The following TIMMDC1 variants were observed in gnomAD, a reference collection of about 807,000 sequenced individuals.
TIMMDC1 encodes complex I assembly factor TIMMDC1, mitochondrial.
TIMMDC1 carries 25 observed loss-of-function variants against 32.6 expected under a neutral mutation model. That is an observed-to-expected ratio of 0.77 (90% CI 0.56 to 1.07). TIMMDC1 has a LOEUF of 1.07. TIMMDC1 is among the 50% of genes least tolerant of loss of function. TIMMDC1 has a pLI of 0.00. For missense variants in TIMMDC1, 329 were observed against 349.2 expected, an observed-to-expected ratio of 0.94 and a Z score of 0.46; for synonymous variants, 130 against 127.6, an observed-to-expected ratio of 1.02 and a Z score of -0.13.
intron 4 of TIMMDC1, among the ~76,000 whole-genome samples, chr3:119,506,856 C>T (rs2081921848): frequency 6.6e-6 from 1 of 152,204 alleles, no homozygotes; most frequent in Non-Finnish European, 1.5e-5. Context: ...CATGTTCTTT[C>T]CTTTTGTGAA....
intron 2 of TIMMDC1, among the ~76,000 whole-genome samples, chr3:119,501,507 A>G (rs1212228593): frequency 1.3e-5 from 2 of 152,178 alleles, no homozygotes. Context: ...TCAGTGTGTT[A>G]TTTCCTAAAA....
Position 119,524,603 on chromosome 3 carries a change from C to T in TIMMDC1, c.*847C>T, listed in dbSNP as rs1428103554. On this transcript the variant is annotated 3_prime_UTR_variant, in exon 7 of 7. Transcript: ENST00000494664. Reference sequence around the variant, plus strand: ...AAGGCTTTAAATCCCAGCCATGTGGCTTAGCTGCCATGAGATGTGCATTTG... The same window carrying T: ...AAGGCTTTAAATCCCAGCCATGTGGTTTAGCTGCCATGAGATGTGCATTTG... 1 of 152,204 alleles carries T rather than the reference C, an allele frequency of 6.6e-6. No homozygotes were observed. Among genetic ancestry groups the T allele is most frequent in the Non-Finnish European group, 1.5e-5 (1 of 68,036 alleles). The allele number at this position is 152,204 out of a possible 1,614,324, so 9.4% of individuals were successfully genotyped here. A position where few individuals can be genotyped will look rare whatever the true frequency, so the allele number is the denominator to read the frequency against.
At chr3:119,503,041 G>GT (rs1448086946) in intron 2 of TIMMDC1, among the ~76,000 whole-genome samples, 1 of 152,032 alleles carries the variant, frequency 6.6e-6, no homozygotes, top group Non-Finnish European at 1.5e-5. Flanking sequence ...ATTTCTATCA[G>GT]TAGGGACTCA....
intron 1 of TIMMDC1, 54 bp from the exon 2 acceptor site, chr3:119,500,641 G>T: frequency 9.9e-6 from 15 of 1,522,742 alleles, no homozygotes; most frequent in Non-Finnish European, 1.1e-5. Context: ...GAGTCTCTTG[G>T]AGAGCAATGT....
At chr3:119,502,006 A>T (rs2081879396) in intron 2 of TIMMDC1, among the ~76,000 whole-genome samples, 1 of 152,208 alleles carries the variant, frequency 6.6e-6, no homozygotes, top group South Asian at 2.1e-4. Context: ...GACTTGCTTA[A>T]GATGGCCTCT....
chr3:119,507,425 C>T (rs1002188322), intron 4 of TIMMDC1, among the ~76,000 whole-genome samples: 2 of 152,120 alleles, frequency 1.3e-5, no homozygotes, highest in African/African-American at 4.8e-5. Context: ...TCAGCTGTGT[C>T]CAGTCTACTA....
intron 4 of TIMMDC1, among the ~76,000 whole-genome samples, chr3:119,512,829 C>T (rs897533489): frequency 2.0e-5 from 3 of 152,164 alleles, no homozygotes; most frequent in Admixed American, 6.5e-5. Context: ...CAGCCTCCGC[C>T]TCTGGGGTTC....
At chr3:119,508,108 A>C (rs1240643442) in intron 4 of TIMMDC1, among the ~76,000 whole-genome samples, 1 of 152,188 alleles carries the variant, frequency 6.6e-6, no homozygotes, top group Non-Finnish European at 1.5e-5. Context: ...GGCATATTTC[A>C]AAATGGTTAC....
intron 4 of TIMMDC1, among the ~76,000 whole-genome samples, chr3:119,511,883 GA>G (rs2081955390): frequency 6.6e-6 from 1 of 152,046 alleles, no homozygotes; most frequent in Non-Finnish European, 1.5e-5. Flanking sequence ...TATCAAATTG[GA>G]AAAAATAAAC....
At position 119,500,698 on chromosome 3, in the gene TIMMDC1, A is replaced by G. The variant is rs748968116; in HGVS notation, c.198A>G (p.Glu66=). The G allele has an allele frequency of 6.2e-7, 1 of 1,612,734 alleles. No individual in the cohort carries two copies. The highest frequency in any genetic ancestry group is 8.5e-7 in the Non-Finnish European group (1 of 1,179,420). ...DRLRELFGKD[E]QQRISKDLAN... ...CATTGTCTTTTTGATGTTGTAGTGA[A>G]CAGCAGAGAATTTCAAAGGACCTTG... The change falls in exon 2 of 7, where the codon GAA becomes GAG. Residue 66 remains glutamate (E), a synonymous_variant. Coordinates refer to ENST00000494664, the MANE Select transcript of TIMMDC1 (RefSeq NM_016589.4).
Position 119,500,748 on chromosome 3 carries a change from C to G in TIMMDC1, c.248C>G (p.Thr83Arg). Residue 83 changes from threonine to arginine, a missense_variant, in exon 2 of 7, where the codon ACA (threonine) becomes AGA (arginine). By Grantham distance (71) the Thr-to-Arg change is moderately conservative. Coordinates refer to ENST00000494664, the MANE Select transcript of TIMMDC1 (RefSeq NM_016589.4). ...DLANICKTAA[T>R]AGIIGWVYGG... is the part of the protein sequence containing the mutation. ...GCTAATATCTGTAAGACGGCAGCTA[C>G]AGCAGGCATCATTGGCTGGGTGTAT... The G allele has an allele frequency of 6.2e-7, 1 of 1,614,134 alleles. No homozygotes were observed. Among genetic ancestry groups the G allele is most frequent in the Non-Finnish European group, 8.5e-7 (1 of 1,179,990 alleles).
intron 1 of TIMMDC1, among the ~76,000 whole-genome samples, chr3:119,499,714 A>C (rs1157285240): frequency 1.3e-5 from 2 of 152,144 alleles, no homozygotes; most frequent in East Asian, 3.9e-4. Flanking sequence ...CCGCGGCTGG[A>C]CTGCGCCCGG....
intron 6 of TIMMDC1, 24 bp downstream of exon 6, chr3:119,517,339 G>A (rs2081992156): frequency 1.3e-6 from 2 of 1,504,620 alleles, no homozygotes; most frequent in Non-Finnish European, 9.3e-7. Flanking sequence ...TGAGCCCAGG[G>A]AATCTTGGCT....
chr3:119,505,950 G>T (rs2081916322), intron 4 of TIMMDC1, among the ~76,000 whole-genome samples: 1 of 152,068 alleles, frequency 6.6e-6, no homozygotes, highest in Non-Finnish European at 1.5e-5. Context: ...TGTACAGGAT[G>T]TGTAAGTTTG....
At chr3:119,517,398 C>T in intron 6 of TIMMDC1, 83 bp downstream of exon 6, 1 of 806,472 alleles carries the variant, frequency 1.2e-6, no homozygotes, top group South Asian at 1.5e-5. Flanking sequence ...CTTATGTACT[C>T]TAAACTGCCA....
Position 119,524,601 on chromosome 3 carries a change from GGCTTA to G in TIMMDC1, c.*849_*853del, listed in dbSNP as rs1278081065. ...TAAAGGCTTTAAATCCCAGCCATGTGGCTTAGCTGCCATGAGATGTGCATTTGAGA... is the reference window on the plus strand; with the variant it reads ...TAAAGGCTTTAAATCCCAGCCATGTGGCTGCCATGAGATGTGCATTTGAGA... On this transcript the variant is annotated 3_prime_UTR_variant, in exon 7 of 7. Coordinates refer to ENST00000494664, the MANE Select transcript of TIMMDC1 (RefSeq NM_016589.4). 1.3e-5 allele frequency: 2 copies of G among 152,208 alleles called. No homozygotes were observed. Among genetic ancestry groups the G allele is most frequent in the Non-Finnish European group, 2.9e-5 (2 of 68,042 alleles). 9.4% of individuals were successfully genotyped at this position (152,208 alleles called of 1,614,324 possible).
chr3:119,510,116 G>A (rs1464625602), intron 4 of TIMMDC1, among the ~76,000 whole-genome samples: 1 of 152,192 alleles, frequency 6.6e-6, no homozygotes, highest in Non-Finnish European at 1.5e-5. Flanking sequence ...TTAGATAGGA[G>A]GAAGCAAAAT....
intron 4 of TIMMDC1, among the ~76,000 whole-genome samples, chr3:119,505,594 C>T (rs1186123217): frequency 3.9e-5 from 6 of 152,110 alleles, no homozygotes; most frequent in African/African-American, 1.2e-4. Flanking sequence ...CTCGAACTCC[C>T]GACCTCAGGT....
chr3:119,510,443 A>G (rs997220173), intron 4 of TIMMDC1, among the ~76,000 whole-genome samples: 1 of 146,184 alleles, frequency 6.8e-6, no homozygotes, highest in African/African-American at 2.5e-5. Context: ...AACTTGATAC[A>G]ATGTCTAAAT....
Sources: gnomAD v4.1 joint callset for allele counts (sites outside exome capture counted in the v4.1 genomes callset) on GRCh38, gnomAD v4.1.1 for gene constraint, MANE v1.5 for transcripts, NCBI Gene and HGNC (gene_info 2026-07-23, HGNC 2026-07-21) for gene names.